Variants in EXTL3 observed in about 807,000 individuals in gnomAD.
EXTL3 encodes the protein exostosin like glycosyltransferase 3, also known as exostosin-like 3.
EXTL3 carries 27 observed loss-of-function variants against 69.3 expected under a neutral mutation model. The observed-to-expected ratio is 0.39, with a 90% CI of 0.29 to 0.54. The LOEUF (loss-of-function observed/expected upper bound fraction) is 0.54. Ranked by LOEUF, EXTL3 falls within the 20% of genes least tolerant of loss-of-function variation. The pLI, the probability that EXTL3 is intolerant of heterozygous loss-of-function variation, is 0.69. For synonymous variants in EXTL3, 511 were observed against 499.4 expected (o/e 1.02, Z -0.31); for missense variants, 1,003 against 1,231.8 (o/e 0.81, Z 2.78).
intron 1 of EXTL3, among the ~76,000 whole-genome samples, chr8:28,629,640 G>A (rs17059241): frequency 0.013 from 1,920 of 152,168 alleles, 51 homozygotes; most frequent in African/African-American, 0.044. Flanking sequence ...GATGAAGGTG[G>A]GCGGTGCCAA....
At chr8:28,722,554 C>T (rs1801315098) in intron 3 of EXTL3, among the ~76,000 whole-genome samples, 3 of 151,790 alleles carry the variant, frequency 2.0e-5, no homozygotes, top group African/African-American at 7.3e-5. Context: ...GGTGGGTGGA[C>T]TGCTTGAGCC....
Position 28,731,216 on chromosome 8 carries a change from A to G in EXTL3, c.2149-7A>G. The G allele has an allele frequency of 6.2e-7, 1 of 1,614,162 alleles. No homozygotes were observed. The highest frequency in any genetic ancestry group is 8.5e-7 in the Non-Finnish European group (1 of 1,180,024). Reference sequence around the variant, plus strand: ...TAATTTTTAATGTTTTTCCTTCCTCATCACAGGTGGTCCGTACTGAGAAGA... The same window carrying G: ...TAATTTTTAATGTTTTTCCTTCCTCGTCACAGGTGGTCCGTACTGAGAAGA... On this transcript the variant is annotated splice_region_variant and splice_polypyrimidine_tract_variant and intron_variant, in intron 3 of 6. Transcript: ENST00000220562.
At chr8:28,749,922 G>T (rs1276991451) in intron 6 of EXTL3, among the ~76,000 whole-genome samples, 1 of 152,148 alleles carries the variant, frequency 6.6e-6, no homozygotes, top group Non-Finnish European at 1.5e-5. Context: ...TTGTACTCCT[G>T]GGCTCAAGCG....
At chr8:28,733,593 C>T (rs1801584956) in intron 4 of EXTL3, among the ~76,000 whole-genome samples, 2 of 142,406 alleles carry the variant, frequency 1.4e-5, no homozygotes, top group African/African-American at 5.2e-5. Flanking sequence ...GATGGGTTCT[C>T]ACTTTATTGT....
intron 1 of EXTL3, among the ~76,000 whole-genome samples, chr8:28,639,264 A>G (rs1446895658): frequency 6.6e-6 from 1 of 152,036 alleles, no homozygotes; most frequent in African/African-American, 2.4e-5. Context: ...CTCTTCCCCA[A>G]CATCGGCTTA....
At chr8:28,616,941 C>T (rs1027585684) in intron 2 of EXTL3, among the ~76,000 whole-genome samples, 1 of 152,194 alleles carries the variant, frequency 6.6e-6, no homozygotes, top group Non-Finnish European at 1.5e-5. Flanking sequence ...CTTACGGTCA[C>T]GTCTTTTGCA....
intron 2 of EXTL3, among the ~76,000 whole-genome samples, chr8:28,608,433 A>C (rs1385692310): frequency 6.6e-6 from 1 of 152,112 alleles, no homozygotes; most frequent in Non-Finnish European, 1.5e-5. Context: ...TCAGTCTTTG[A>C]TTTACCCAAT....
At chr8:28,718,925 A>T (rs1292494463) in intron 3 of EXTL3, among the ~76,000 whole-genome samples, 3 of 152,180 alleles carry the variant, frequency 2.0e-5, no homozygotes, top group Admixed American at 1.3e-4. Context: ...AATATGCAGG[A>T]CAGGGCTTTA....
chr8:28,679,264 G>A (rs1021225161), intron 1 of EXTL3, among the ~76,000 whole-genome samples: 3 of 152,108 alleles, frequency 2.0e-5, no homozygotes, highest in Non-Finnish European at 4.4e-5. Context: ...TGGCTAACAT[G>A]GTGAAATCCC....
intron 1 of EXTL3, among the ~76,000 whole-genome samples, chr8:28,632,346 G>A (rs1003738421): frequency 6.6e-6 from 1 of 151,912 alleles, no homozygotes; most frequent in Non-Finnish European, 1.5e-5. Context: ...AGTGAGCTGA[G>A]TTCATGCCAT....
chr8:28,725,364 G>C (rs894310631), intron 3 of EXTL3, among the ~76,000 whole-genome samples: 1 of 152,152 alleles, frequency 6.6e-6, no homozygotes, highest in African/African-American at 2.4e-5. Flanking sequence ...GCCAAGCAAA[G>C]AGTGGGCATT....
chr8:28,627,990 A>C (rs780040412), intron 1 of EXTL3, among the ~76,000 whole-genome samples: 6 of 152,170 alleles, frequency 3.9e-5, no homozygotes, highest in Non-Finnish European at 8.8e-5. Context: ...AAGATGAAAA[A>C]GTTCTAGAGA....
At chr8:28,726,981 C>A (rs767898008) in intron 3 of EXTL3, among the ~76,000 whole-genome samples, 1 of 147,814 alleles carries the variant, frequency 6.8e-6, no homozygotes, top group Non-Finnish European at 1.5e-5. Context: ...TGGGTTCAAG[C>A]GATTCTCCTG....
At chr8:28,720,227 G>A (rs986223507) in intron 3 of EXTL3, among the ~76,000 whole-genome samples, 1 of 152,082 alleles carries the variant, frequency 6.6e-6, no homozygotes, top group Non-Finnish European at 1.5e-5. Flanking sequence ...ATAGAAAAAG[G>A]GCACTACTGT....
chr8:28,750,928 T>C lies in EXTL3; in HGVS notation c.*62T>C. Reference sequence around the variant, plus strand: ...GGAGGAAGATGGCTCCCAAGGTTCCTAGGCATTGCAGGACCTTGGGCACAT... The same window carrying C: ...GGAGGAAGATGGCTCCCAAGGTTCCCAGGCATTGCAGGACCTTGGGCACAT... On this transcript the variant is annotated 3_prime_UTR_variant, in exon 7 of 7. Coordinates refer to ENST00000220562, the MANE Select transcript of EXTL3 (RefSeq NM_001440.4). The surrounding 1 kb of genome is among the most constrained non-coding windows in gnomAD (Gnocchi z 5.2). 1 of 1,475,884 alleles carries C rather than the reference T, an allele frequency of 6.8e-7. No homozygotes were observed. The highest frequency in any genetic ancestry group is 9.4e-7 in the Non-Finnish European group (1 of 1,060,870). 91.4% of individuals were successfully genotyped at this position (1,475,884 alleles called of 1,614,324 possible).
chr8:28,654,528 A>T (rs918094594), intron 1 of EXTL3, among the ~76,000 whole-genome samples: 1 of 151,568 alleles, frequency 6.6e-6, no homozygotes, highest in Non-Finnish European at 1.5e-5. Context: ...ACTCACCATC[A>T]CTTCTAGCCA....
intron 1 of EXTL3, among the ~76,000 whole-genome samples, chr8:28,645,495 G>T (rs192035566): frequency 6.6e-6 from 1 of 152,256 alleles, no homozygotes; most frequent in African/African-American, 2.4e-5. Context: ...GAGCTATAAT[G>T]TACAGTGTCA....
chr8:28,731,823 G>T (rs1801544816), intron 4 of EXTL3, among the ~76,000 whole-genome samples: 2 of 152,212 alleles, frequency 1.3e-5, no homozygotes, highest in Middle Eastern at 3.4e-3. Flanking sequence ...GGGGAAGGAG[G>T]GTGTCAGAAG....
At chr8:28,718,408 TACTC>T (rs146814630) in intron 3 of EXTL3, among the ~76,000 whole-genome samples, 2,129 of 152,306 alleles carry the variant, frequency 0.014, 56 homozygotes, top group African/African-American at 0.048. Flanking sequence ...CTGTGGCTGT[TACTC>T]ACTTCCTAAA....
Sources: gnomAD v4.1 joint callset for allele counts (sites outside exome capture counted in the v4.1 genomes callset) on GRCh38, gnomAD v4.1.1 for gene constraint, Gnocchi (gnomAD v3.1) non-coding constraint, MANE v1.5 for transcripts, NCBI Gene and HGNC (gene_info 2026-07-23, HGNC 2026-07-21) for gene names.